Variants in PCDHA1 observed in about 807,000 individuals in gnomAD.
PCDHA1 encodes protocadherin alpha 1.
A neutral mutation model predicts 61.3 loss-of-function variants in PCDHA1; 42 were observed. The ratio of observed to expected loss-of-function variants is 0.69; its 90% CI spans 0.54 to 0.89. The LOEUF (loss-of-function observed/expected upper bound fraction) is 0.89. Ranked by LOEUF, PCDHA1 falls within the 40% of genes least tolerant of loss-of-function variation. The pLI, the probability that PCDHA1 is intolerant of heterozygous loss-of-function variation, is 0.00. For synonymous variants in PCDHA1, 610 were observed against 553.8 expected (o/e 1.10, Z -1.43); for missense variants, 1,256 against 1,235.3 (o/e 1.02, Z -0.25).
At chr5:140,862,594 A>T (rs2047439169) in intron 1 of PCDHA1, 2 of 509,414 alleles carry the variant, frequency 3.9e-6, no homozygotes, top group Non-Finnish European at 8.0e-6. Context: ...GCCCGAGTAC[A>T]TGGTGTTCGT....
At position 140,855,056 on chromosome 5, in the gene PCDHA1, G is replaced by A. The variant is rs1045590902; in HGVS notation, c.2394+66372G>A. The stretch of plus-strand genomic sequence containing the variant: ...GATTTTTCTGTAATAGTACTTTTCT[G>A]TTTTCTTAAATACAGAAACCACCAC... On this transcript the variant is annotated intron_variant, in intron 1 of 3. Coordinates refer to ENST00000504120, the MANE Select transcript of PCDHA1 (RefSeq NM_018900.4). Among the ~76,000 whole-genome samples, 11 of 149,630 alleles carry A rather than the reference G, an allele frequency of 7.4e-5. 2 individuals are homozygous for A. The highest frequency in any genetic ancestry group is 1.6e-4 in the Non-Finnish European group (11 of 66,976).
Position 140,850,461 on chromosome 5 carries a change from G to T in PCDHA1, c.2394+61777G>T. Reference sequence around the variant, plus strand: ...ACTGGTGCTGGTGAAAGACCACGGGGAGCCAGCGCTGACGGCCACGGCCAC... The same window carrying T: ...ACTGGTGCTGGTGAAAGACCACGGGTAGCCAGCGCTGACGGCCACGGCCAC... On this transcript the variant is annotated intron_variant, in intron 1 of 3. Transcript: ENST00000504120. The T allele has an allele frequency of 1.9e-6, 3 of 1,598,002 alleles. No individual in the cohort carries two copies. The East Asian group carries it at 6.7e-5, about 36-fold the overall frequency.
chr5:140,927,643 G>A lies in PCDHA1; in HGVS notation c.2395-51306G>A. On this transcript the variant is annotated intron_variant, in intron 1 of 3. Coordinates refer to ENST00000504120, the MANE Select transcript of PCDHA1 (RefSeq NM_018900.4). The stretch of plus-strand genomic sequence containing the variant: ...TCCAGAGACTGCACCCAATGGGACT[G>A]TGTTATTCCGAGTTCAAGCCTTGGA... The A allele has an allele frequency of 3.7e-6, 6 of 1,614,170 alleles. No homozygotes were observed. Among genetic ancestry groups the A allele is most frequent in the South Asian group, 1.1e-5 (1 of 91,088 alleles).
chr5:141,002,399 T>C (rs1352771753), intron 3 of PCDHA1, among the ~76,000 whole-genome samples: 1 of 152,236 alleles, frequency 6.6e-6, no homozygotes, highest in African/African-American at 2.4e-5. Context: ...GGCATCTCTG[T>C]GCCTCCCAAA....
At chr5:140,896,318 C>T (rs1036368074) in intron 1 of PCDHA1, among the ~76,000 whole-genome samples, 8 of 152,150 alleles carry the variant, frequency 5.3e-5, no homozygotes, top group African/African-American at 1.9e-4. Flanking sequence ...AACTGCTTTC[C>T]ACAGTGGCTA....
Position 140,883,224 on chromosome 5 carries a change from C to A in PCDHA1, c.2394+94540C>A, listed in dbSNP as rs782659730. The stretch of plus-strand genomic sequence containing the variant: ...GAAGAAAAGAAATTATATGAAATAT[C>A]CGTGGAGGCAGTTGACAAAGGAAAT... On this transcript the variant is annotated intron_variant, in intron 1 of 3. Transcript: ENST00000504120. The A allele has an allele frequency of 1.2e-5, 20 of 1,613,828 alleles. 2 individuals carry two copies. In the South Asian group the frequency reaches 2.2e-4, roughly 18 times the overall value.
intron 1 of PCDHA1, chr5:140,809,192 C>G: frequency 6.2e-7 from 1 of 1,614,052 alleles, no homozygotes; most frequent in Non-Finnish European, 8.5e-7. Flanking sequence ...GCTGGTGTCA[C>G]TTGTGGAGAG....
intron 1 of PCDHA1, among the ~76,000 whole-genome samples, chr5:140,889,020 TG>T (rs1554183734): frequency 1.3e-5 from 2 of 152,126 alleles, no homozygotes; most frequent in Non-Finnish European, 2.9e-5. Context: ...TCTACTTCCT[TG>T]GATAACCGTA....
chr5:140,857,161 C>G (rs782653443), intron 1 of PCDHA1: 1 of 1,598,332 alleles, frequency 6.3e-7, no homozygotes, highest in Non-Finnish European at 8.6e-7. Flanking sequence ...TTGCCCTAAT[C>G]AGCGTTTCTG....
Position 140,912,620 on chromosome 5 carries a change from G to A in PCDHA1, c.2395-66329G>A, listed in dbSNP as rs149952916. Among the ~76,000 whole-genome samples the A allele has an allele frequency of 2.6e-3, 391 of 152,154 alleles. 2 individuals carry two copies. The highest frequency in any genetic ancestry group is 9.2e-3 in the African/African-American group (380 of 41,510). ...TTTCTTCCTCTTGTCTGATTACTCT[G>A]GATGAGACTTTCAGTACTATGTTGA... On this transcript the variant is annotated intron_variant, in intron 1 of 3. Coordinates refer to ENST00000504120, the MANE Select transcript of PCDHA1 (RefSeq NM_018900.4).
chr5:140,970,927 G>A (rs1481513155), intron 1 of PCDHA1, among the ~76,000 whole-genome samples: 2 of 152,150 alleles, frequency 1.3e-5, no homozygotes, highest in African/African-American at 4.8e-5. Flanking sequence ...GAAGTGCCTG[G>A]TGTTAGTCAA....
intron 2 of PCDHA1, chr5:140,982,235 T>C (rs782570505): frequency 2.6e-5 from 17 of 646,792 alleles, no homozygotes; most frequent in Non-Finnish European, 3.9e-5. Flanking sequence ...AAAAACAGAA[T>C]TGCCATAAAG....
intron 1 of PCDHA1, chr5:140,883,464 C>G (rs1219426048): frequency 6.2e-7 from 1 of 1,614,044 alleles, no homozygotes; most frequent in African/African-American, 1.3e-5. Flanking sequence ...AAGCTGGTGT[C>G]CACCTACAAG....
At chr5:140,888,834 C>T (rs2061995964) in intron 1 of PCDHA1, among the ~76,000 whole-genome samples, 1 of 152,080 alleles carries the variant, frequency 6.6e-6, no homozygotes, top group Non-Finnish European at 1.5e-5. Context: ...CATCACTCCA[C>T]TGCAGCCTGG....
chr5:140,796,208 G>A (rs782813610), intron 1 of PCDHA1: 1 of 1,614,192 alleles, frequency 6.2e-7, no homozygotes, highest in South Asian at 1.1e-5. Flanking sequence ...GCCCTGGACC[G>A]CGAGAGCGTG....
intron 1 of PCDHA1, chr5:140,807,117 T>C: frequency 6.5e-7 from 1 of 1,528,166 alleles, no homozygotes; most frequent in Non-Finnish European, 8.9e-7. Flanking sequence ...TGCACTTGAC[T>C]GACCGATTAA....
chr5:140,797,652 A>C (rs1562168275), intron 1 of PCDHA1, among the ~76,000 whole-genome samples: 1 of 152,232 alleles, frequency 6.6e-6, no homozygotes, highest in African/African-American at 2.4e-5. Flanking sequence ...TTTCCCATAA[A>C]TATTTTCTCT....
intron 1 of PCDHA1, among the ~76,000 whole-genome samples, chr5:140,832,632 C>T (rs1197058685): frequency 1.3e-5 from 2 of 151,992 alleles, no homozygotes; most frequent in Admixed American, 6.6e-5. Context: ...TAAAAAGTTC[C>T]TAGGAGGGTC....
At chr5:140,811,298 G>A (rs544092500) in intron 1 of PCDHA1, 2 of 152,334 alleles carry the variant, frequency 1.3e-5, no homozygotes, top group East Asian at 3.9e-4. Flanking sequence ...TCAGAATGAC[G>A]GTTTCCAGCT....
Sources: allele counts gnomAD v4.1 joint callset (sites outside exome capture counted in the v4.1 genomes callset), GRCh38; gene constraint gnomAD v4.1.1; transcripts MANE v1.5; gene names NCBI Gene and HGNC (gene_info 2026-07-23, HGNC 2026-07-21).